The following KSR1 variants were observed in gnomAD, a reference collection of about 807,000 sequenced individuals.
KSR1 encodes kinase suppressor of ras 1.
A neutral mutation model predicts 92.9 loss-of-function variants in KSR1; 35 were observed. That is an observed-to-expected ratio of 0.38 (90% confidence interval 0.29 to 0.50). KSR1 has a LOEUF of 0.50. KSR1 is among the 20% of genes least tolerant of loss of function. KSR1 has a pLI of 0.94. For missense variants in KSR1, 972 were observed against 1,158.5 expected, an observed-to-expected ratio of 0.84 and a Z score of 2.34; for synonymous variants, 467 against 472.6, an observed-to-expected ratio of 0.99 and a Z score of 0.15.
At chr17:27,573,667 G>A (rs1259375523) in intron 2 of KSR1, among the ~76,000 whole-genome samples, 3 of 152,228 alleles carry the variant, frequency 2.0e-5, no homozygotes, top group African/African-American at 4.8e-5. Flanking sequence ...GGTAGCTGCT[G>A]TATCCCAAGG....
chr17:27,456,740 G>T lies in KSR1; in HGVS notation c.97G>T (p.Ala33Ser). The T allele has an allele frequency of 1.4e-6, 2 of 1,450,822 alleles. No individual in the cohort carries two copies. Among genetic ancestry groups the T allele is most frequent in the Non-Finnish European group, 1.9e-6 (2 of 1,055,898 alleles). The allele number at this position is 1,450,822 out of a possible 1,614,324, so 89.9% of individuals were successfully genotyped here. Residue 33 changes from alanine (A) to serine (S), a missense_variant, in exon 1 of 21, where the codon GCG (alanine) becomes TCG (serine). Ala to Ser is a moderately conservative substitution (Grantham distance 99, BLOSUM62 1). Transcript: ENST00000644974. ...GGCCGCGGAGGGAGGCGCAGGGGCC[G>T]CGGCCAGCCGGGCGCTGCAGCAGTG... ...AAAAEGGAGA[A>S]ASRALQQCGQ...
At chr17:27,591,639 C>T (rs986839311) in intron 7 of KSR1, among the ~76,000 whole-genome samples, 1 of 152,230 alleles carries the variant, frequency 6.6e-6, no homozygotes, top group African/African-American at 2.4e-5. Flanking sequence ...ATTACTTTCC[C>T]AGCGACTCTC....
At chr17:27,470,385 G>T (rs189144487) in intron 1 of KSR1, among the ~76,000 whole-genome samples, 68 of 151,858 alleles carry the variant, frequency 4.5e-4, no homozygotes, top group Admixed American at 1.7e-3. Context: ...GGGATTACAC[G>T]TGCCCGCCAC....
intron 4 of KSR1, among the ~76,000 whole-genome samples, chr17:27,584,904 C>G (rs1286688300): frequency 6.6e-6 from 1 of 152,148 alleles, no homozygotes; most frequent in Admixed American, 6.5e-5. Context: ...TTATCTCTGC[C>G]CTCCTGTCCA....
chr17:27,617,331 G>A lies in KSR1; in HGVS notation c.2530G>A (p.Glu844Lys), dbSNP rs755735675. The change falls in exon 19 of 21, where the codon GAG (glutamate) becomes AAG (lysine). Residue 844 changes from glutamate (E) to lysine (K), a missense_variant. Physicochemically the swap from Glu to Lys is moderately conservative, Grantham distance 56. Transcript: ENST00000644974. ...GGCCTGCTGGGCTTTCGACCTGCAG[G>A]AGAGACCCAGCTTCAGCCTGCTGAT... ...LSACWAFDLQERPSFSLLMDM... is the reference protein window; with the variant it reads ...LSACWAFDLQKRPSFSLLMDM... 14 of 1,612,000 alleles carry A rather than the reference G, an allele frequency of 8.7e-6. No homozygotes were observed. The highest frequency in any genetic ancestry group is 1.2e-5 in the Non-Finnish European group (14 of 1,178,914).
intron 1 of KSR1, among the ~76,000 whole-genome samples, chr17:27,487,266 C>A (rs1281975379): frequency 6.6e-6 from 1 of 152,016 alleles, no homozygotes; most frequent in African/African-American, 2.4e-5. Context: ...GAAACCCCGT[C>A]TCTACTAAAA....
chr17:27,614,363 T>A (rs1450490160), intron 18 of KSR1, among the ~76,000 whole-genome samples: 1 of 152,248 alleles, frequency 6.6e-6, no homozygotes, highest in African/African-American at 2.4e-5. Context: ...CAGAGTATTA[T>A]GTATATTTGT....
At chr17:27,539,370 C>T (rs1467017416) in intron 1 of KSR1, among the ~76,000 whole-genome samples, 1 of 152,174 alleles carries the variant, frequency 6.6e-6, no homozygotes, top group East Asian at 1.9e-4. Context: ...ACACCTGGGC[C>T]AGCACTTCCC....
chr17:27,516,289 T>C (rs1254722587), intron 1 of KSR1, among the ~76,000 whole-genome samples: 1 of 152,152 alleles, frequency 6.6e-6, no homozygotes, highest in Non-Finnish European at 1.5e-5. Context: ...TAGTAAATGC[T>C]CAAAAAAGCT....
intron 1 of KSR1, among the ~76,000 whole-genome samples, chr17:27,519,895 G>A (rs1383743825): frequency 1.3e-5 from 2 of 152,174 alleles, no homozygotes; most frequent in Non-Finnish European, 2.9e-5. Context: ...CCAGCTGGGA[G>A]TGGGGATAGT....
chr17:27,547,720 T>G (rs796989367), intron 1 of KSR1, among the ~76,000 whole-genome samples: 4 of 152,270 alleles, frequency 2.6e-5, no homozygotes, highest in African/African-American at 9.6e-5. Context: ...ATTTTTCTTT[T>G]TTTTCTTTTT....
chr17:27,476,449 C>T (rs1216273197), intron 1 of KSR1, among the ~76,000 whole-genome samples: 1 of 152,184 alleles, frequency 6.6e-6, no homozygotes, highest in Admixed American at 6.5e-5. Flanking sequence ...TGCTGGGGCG[C>T]TGCCGGTGAG....
intron 2 of KSR1, among the ~76,000 whole-genome samples, chr17:27,566,022 C>A (rs767942073): frequency 3.3e-5 from 5 of 152,156 alleles, no homozygotes; most frequent in African/African-American, 1.2e-4. Context: ...TGTTGGTCTC[C>A]ATACCACTCA....
intron 1 of KSR1, among the ~76,000 whole-genome samples, chr17:27,484,597 A>G (rs1223965594): frequency 6.6e-6 from 1 of 150,930 alleles, no homozygotes; most frequent in Non-Finnish European, 1.5e-5. Flanking sequence ...TCATGGGTAC[A>G]GAAGGAGGAG....
In KSR1 at chr17:27,623,960, G is replaced by T. The variant is rs1440688893; in HGVS notation, c.*568G>T. On this transcript the variant is annotated 3_prime_UTR_variant, in exon 21 of 21. Coordinates refer to ENST00000644974, the MANE Select transcript of KSR1 (RefSeq NM_001394583.1). ...GTCTTGCAGAGGAAACCCTGGCTAG[G>T]AACTGAGCTAGTTTATGGAGTCTGG... 8.4e-6 allele frequency: 2 copies of T among 238,352 alleles called. No homozygotes were observed. Among genetic ancestry groups the T allele is most frequent in the Non-Finnish European group, 1.6e-5 (2 of 125,836 alleles). The allele number at this position is 238,352 out of a possible 1,614,324, so 14.8% of individuals were successfully genotyped here.
At chr17:27,522,946 T>C (rs2070102251) in intron 1 of KSR1, among the ~76,000 whole-genome samples, 1 of 152,240 alleles carries the variant, frequency 6.6e-6, no homozygotes, top group East Asian at 1.9e-4. Context: ...AAAAAAAGGA[T>C]CCTGCTACCA....
chr17:27,497,798 A>G lies in KSR1; in HGVS notation c.231+40924A>G, dbSNP rs1252487430. The stretch of plus-strand genomic sequence containing the variant: ...TGAGAAACCCTGTTTGGCTGCAGCA[A>G]CACATGTGCAGCAAGGAGGGCCAGC... On this transcript the variant is annotated intron_variant, in intron 1 of 20. Transcript: ENST00000644974. 3.3e-5 allele frequency among the ~76,000 whole-genome samples: 5 copies of G among 152,218 alleles called. No homozygotes were observed. In the East Asian group the frequency reaches 9.6e-4, roughly 29 times the overall value.
chr17:27,560,135 G>A (rs1160600204), intron 2 of KSR1, among the ~76,000 whole-genome samples: 1 of 152,206 alleles, frequency 6.6e-6, no homozygotes. Flanking sequence ...GCCCTGCCCC[G>A]CTCCCAGTCA....
intron 3 of KSR1, chr17:27,578,085 G>T (rs1019256796): frequency 2.2e-5 from 6 of 271,430 alleles, no homozygotes; most frequent in African/African-American, 1.2e-4. Context: ...TGGCTCTTTA[G>T]CTGGGAGTGT....
Sources: allele counts gnomAD v4.1 joint callset (sites outside exome capture counted in the v4.1 genomes callset), GRCh38; gene constraint gnomAD v4.1.1; transcripts MANE v1.5; gene names NCBI Gene and HGNC (gene_info 2026-07-23, HGNC 2026-07-21).